The following FOXJ3 variants were observed in gnomAD, a reference collection of about 807,000 sequenced individuals.
FOXJ3 encodes the protein forkhead box J3, also known as forkhead box protein J3.
In FOXJ3, 22 loss-of-function variants were observed where a neutral mutation model predicts 76.1. The observed-to-expected ratio is 0.29, with a 90% CI of 0.21 to 0.41. The LOEUF (loss-of-function observed/expected upper bound fraction) is 0.41. Among genes scored for constraint, FOXJ3 ranks in the 10% least tolerant of loss-of-function variants. The pLI is 1.00. For synonymous variants in FOXJ3, 269 were observed against 261.2 expected, an observed-to-expected ratio of 1.03 and a Z score of -0.29; for missense variants, 613 against 762.1, an observed-to-expected ratio of 0.80 and a Z score of 2.30.
At chr1:42,209,632 T>C (rs1335197971) in intron 5 of FOXJ3, among the ~76,000 whole-genome samples, 1 of 152,114 alleles carries the variant, frequency 6.6e-6, no homozygotes, top group East Asian at 1.9e-4. Flanking sequence ...CACGGGGGAA[T>C]GCCTTAATGC....
At position 42,188,930 on chromosome 1, in the gene FOXJ3, TATGAGGAAAGCATTAAAAATATGTTAG is replaced by T; in HGVS notation, c.1454-29_1454-3del. On this transcript the variant is annotated splice_polypyrimidine_tract_variant and splice_region_variant and intron_variant, in intron 10 of 12. Transcript: ENST00000361346. ...CCTGTCTCATACTCTCCATCAGACC[TATGAGGAAAGCATTAAAAATATGTTAG>T]CACTGTTATGCAATAAACATTGCAA... 6.4e-7 allele frequency: 1 copy of T among 1,570,880 alleles called. No individual in the cohort carries two copies. The highest frequency in any genetic ancestry group is 8.7e-7 in the Non-Finnish European group (1 of 1,153,914).
intron 5 of FOXJ3, among the ~76,000 whole-genome samples, chr1:42,224,824 C>T (rs766295716): frequency 6.6e-6 from 1 of 152,036 alleles, no homozygotes; most frequent in African/African-American, 2.4e-5. Context: ...CAGTGGCTCA[C>T]ATCTATAATC....
In FOXJ3 at chr1:42,312,063, C is replaced by T. The variant is rs535263507; in HGVS notation, c.-17-953G>A. On this transcript the variant is annotated intron_variant, in intron 1 of 12. Coordinates refer to ENST00000361346, the MANE Select transcript of FOXJ3 (RefSeq NM_014947.5). ...CTGCACAAGTGGCGGAAACTGTGAG[C>T]AACTGAAGAGAGCAAGTTCAGTCTG... Among the ~76,000 whole-genome samples, 4 of 152,254 alleles carry T rather than the reference C, an allele frequency of 2.6e-5. No individual in the cohort carries two copies. The South Asian group carries it at 8.3e-4, about 32-fold the overall frequency.
At chr1:42,273,660 G>A (rs894351482) in intron 3 of FOXJ3, among the ~76,000 whole-genome samples, 2 of 126,506 alleles carry the variant, frequency 1.6e-5, no homozygotes, top group Non-Finnish European at 3.2e-5. Context: ...GGACAACAGA[G>A]CGACACTCCA....
At chr1:42,189,214 G>A (rs942959077) in intron 10 of FOXJ3, 89 bp downstream of exon 10, 1 of 908,760 alleles carries the variant, frequency 1.1e-6, no homozygotes, top group African/African-American at 1.7e-5. Context: ...ATAAGATGAT[G>A]TTTATTTCTA....
chr1:42,223,349 G>A (rs1647301645), intron 5 of FOXJ3, among the ~76,000 whole-genome samples: 1 of 152,014 alleles, frequency 6.6e-6, no homozygotes, highest in African/African-American at 2.4e-5. Flanking sequence ...CAACACTATG[G>A]GCTGTCAAAT....
chr1:42,211,374 T>C (rs1019822200), intron 5 of FOXJ3, among the ~76,000 whole-genome samples: 7 of 152,166 alleles, frequency 4.6e-5, no homozygotes, highest in African/African-American at 7.2e-5. Flanking sequence ...CTCATCTGAA[T>C]AGCTGGAACA....
At chr1:42,282,994 C>A (rs945467116) in intron 2 of FOXJ3, among the ~76,000 whole-genome samples, 1 of 152,018 alleles carries the variant, frequency 6.6e-6, no homozygotes, top group Non-Finnish European at 1.5e-5. Flanking sequence ...GTAACAAGTT[C>A]AAAAGTTAAA....
At chr1:42,205,344 C>T (rs1646840485) in intron 6 of FOXJ3, among the ~76,000 whole-genome samples, 1 of 152,138 alleles carries the variant, frequency 6.6e-6, no homozygotes, top group Admixed American at 6.5e-5. Context: ...ACCACCATCC[C>T]AGTGAACTCT....
intron 4 of FOXJ3, among the ~76,000 whole-genome samples, chr1:42,247,309 A>G (rs1014510352): frequency 6.6e-6 from 1 of 152,246 alleles, no homozygotes; most frequent in Non-Finnish European, 1.5e-5. Context: ...TCAATTAAAA[A>G]GTTTTAAAAA....
At chr1:42,317,142 AGACTT>A (rs1269011735) in intron 1 of FOXJ3, among the ~76,000 whole-genome samples, 2 of 152,222 alleles carry the variant, frequency 1.3e-5, no homozygotes, top group Admixed American at 1.3e-4. Context: ...TCTTTCCAAA[AGACTT>A]GAAAGTATAA....
chr1:42,208,418 G>A (rs573783822), intron 5 of FOXJ3, among the ~76,000 whole-genome samples: 1 of 152,236 alleles, frequency 6.6e-6, no homozygotes, highest in Non-Finnish European at 1.5e-5. Flanking sequence ...ACCATATTAA[G>A]AGAATCAAAG....
chr1:42,318,372 G>T (rs373962876), intron 1 of FOXJ3, among the ~76,000 whole-genome samples: 1 of 152,098 alleles, frequency 6.6e-6, no homozygotes, highest in Admixed American at 6.6e-5. Context: ...ATGGAGTTTC[G>T]CTCTTGTCAC....
intron 1 of FOXJ3, among the ~76,000 whole-genome samples, chr1:42,326,472 C>G (rs571319564): frequency 1.3e-5 from 2 of 152,224 alleles, no homozygotes; most frequent in South Asian, 4.1e-4. Context: ...TACTGTTACT[C>G]TTCCCAACCA....
intron 11 of FOXJ3, among the ~76,000 whole-genome samples, chr1:42,185,802 A>G (rs749017933): frequency 3.3e-5 from 5 of 152,142 alleles, no homozygotes; most frequent in South Asian, 2.1e-4. Context: ...ACTGTGTTCT[A>G]TAACAACCTT....
chr1:42,308,044 T>C (rs566975980), intron 2 of FOXJ3, among the ~76,000 whole-genome samples: 41 of 152,272 alleles, frequency 2.7e-4, no homozygotes, highest in African/African-American at 9.6e-4. Context: ...TTTTTTATAC[T>C]TTCCTTCTAT....
Position 42,218,576 on chromosome 1 carries a change from T to G in FOXJ3, c.528+9307A>C, listed in dbSNP as rs76470371. Among the ~76,000 whole-genome samples the G allele has an allele frequency of 6.8e-3, 1,038 of 152,346 alleles. 13 individuals are homozygous for G. Among genetic ancestry groups the G allele is most frequent in the African/African-American group, 0.024 (979 of 41,566 alleles). On this transcript the variant is annotated intron_variant, in intron 5 of 12. Coordinates refer to ENST00000361346, the MANE Select transcript of FOXJ3 (RefSeq NM_014947.5). ...TTTTATAACAATGCATTATAAGATT[T>G]TAGGCAAAACTATCCACAGCAATTT...
intron 4 of FOXJ3, among the ~76,000 whole-genome samples, chr1:42,257,294 T>C (rs1257181185): frequency 6.6e-6 from 1 of 152,140 alleles, no homozygotes; most frequent in African/African-American, 2.4e-5. Context: ...AAACAGAAGT[T>C]AATTCCAGAA....
chr1:42,179,814 C>A lies in FOXJ3; in HGVS notation c.1765G>T (p.Ala589Ser), dbSNP rs900658196. ...GGCATCATGTGCTGCTGGTTCATGGCTCTGTGATGGCCTGGAAGGAAAGAG... is the reference window on the plus strand; with the variant it reads ...GGCATCATGTGCTGCTGGTTCATGGATCTGTGATGGCCTGGAAGGAAAGAG... The part of the protein sequence containing the change: ...PGTTMAGHHR[A>S]MNQQHMMPSQ... The change falls in exon 13 of 13, where the codon GCC becomes TCC. Residue 589 changes from alanine (A) to serine (S), a missense_variant. Ala to Ser is a moderately conservative substitution (Grantham distance 99, BLOSUM62 1). Coordinates refer to ENST00000361346, the MANE Select transcript of FOXJ3 (RefSeq NM_014947.5). 1 of 1,612,694 alleles carries A rather than the reference C, an allele frequency of 6.2e-7. No homozygotes were observed. Among genetic ancestry groups the A allele is most frequent in the Admixed American group, 1.7e-5 (1 of 59,990 alleles).
Sources: allele counts gnomAD v4.1 joint callset (sites outside exome capture counted in the v4.1 genomes callset), GRCh38; gene constraint gnomAD v4.1.1; transcripts MANE v1.5; gene names NCBI Gene and HGNC (gene_info 2026-07-23, HGNC 2026-07-21).